USH2A: variants seen among roughly 807,000 people sequenced by gnomAD.
The protein encoded by USH2A is usherin, also known as Usher syndrome 2A (autosomal recessive, mild).
A neutral mutation model predicts 538.9 loss-of-function variants in USH2A; 443 were observed. That is an observed-to-expected ratio of 0.82 (90% CI 0.76 to 0.89). The LOEUF (loss-of-function observed/expected upper bound fraction) is 0.89. Among genes scored for constraint, USH2A ranks in the 40% least tolerant of loss-of-function variants. The pLI is 0.00. For missense variants in USH2A, 6,633 were observed against 6,324.8 expected, an observed-to-expected ratio of 1.05 and a Z score of -1.65; for synonymous variants, 2,413 against 2,273.5, an observed-to-expected ratio of 1.06 and a Z score of -1.75.
intron 10 of USH2A, among the ~76,000 whole-genome samples, chr1:216,290,283 C>A (rs181026433): frequency 1.3e-5 from 2 of 152,176 alleles, no homozygotes; most frequent in Admixed American, 6.5e-5. Flanking sequence ...AACTCATATT[C>A]TGATAGATAT....
chr1:215,903,349 A>G (rs1022328375), intron 38 of USH2A, among the ~76,000 whole-genome samples: 4 of 152,134 alleles, frequency 2.6e-5, no homozygotes, highest in African/African-American at 9.7e-5. Context: ...GAGCTTAGAC[A>G]ACACTTAGAG....
chr1:215,783,793 T>C (rs1419259688), intron 52 of USH2A, among the ~76,000 whole-genome samples: 1 of 152,194 alleles, frequency 6.6e-6, no homozygotes, highest in East Asian at 1.9e-4. Flanking sequence ...GATGACTCTT[T>C]CTCAGATTGA....
intron 61 of USH2A, among the ~76,000 whole-genome samples, chr1:215,714,067 A>G (rs1440113572): frequency 6.6e-6 from 1 of 152,182 alleles, no homozygotes; most frequent in Non-Finnish European, 1.5e-5. Context: ...AATATGTTTT[A>G]TGTGGAAGTT....
chr1:216,422,252 A>T lies in USH2A; in HGVS notation c.85T>A (p.Ser29Thr), dbSNP rs377309313. Residue 29 changes from serine (S) to threonine (T), a missense_variant, in exon 2 of 72, where the codon TCC (serine) becomes ACC (threonine). Physicochemically the swap from Ser to Thr is moderately conservative, Grantham distance 58 (BLOSUM62 1). Transcript: ENST00000307340. ...MLIFAYFASI[S>T]LTESRGLFPR... ...AAAAGACCTCGTGACTCAGTCAAGGATATTGAAGCAAAATAGGCAAAGATC... is the reference window on the plus strand; with the variant it reads ...AAAAGACCTCGTGACTCAGTCAAGGTTATTGAAGCAAAATAGGCAAAGATC... 66 of 1,613,568 alleles carry T rather than the reference A, an allele frequency of 4.1e-5. No homozygotes were observed. The highest frequency in any genetic ancestry group is 5.2e-5 in the Non-Finnish European group (61 of 1,179,816).
At chr1:215,845,718 A>T in intron 45 of USH2A, 106 bp downstream of exon 45, 1 of 1,282,074 alleles carries the variant, frequency 7.8e-7, no homozygotes, top group Non-Finnish European at 1.1e-6. Context: ...CTTCCCTCCC[A>T]CACCGGAAAT....
chr1:215,676,979 C>T (rs944356576), intron 62 of USH2A, among the ~76,000 whole-genome samples: 2 of 152,208 alleles, frequency 1.3e-5, no homozygotes, highest in African/African-American at 4.8e-5. Context: ...TTTATTCCCT[C>T]ATGCTTTTGC....
chr1:215,819,350 A>G (rs1175206244), intron 47 of USH2A, among the ~76,000 whole-genome samples: 2 of 151,800 alleles, frequency 1.3e-5, no homozygotes, highest in African/African-American at 2.4e-5. Context: ...ATGAAGCCCA[A>G]ATATTTATGT....
At chr1:216,175,008 G>A (rs1298456797) in intron 21 of USH2A, 1 of 1,336,628 alleles carries the variant, frequency 7.5e-7, no homozygotes, top group East Asian at 3.2e-5. Context: ...CACATACTTT[G>A]ATCCAATAAG....
In USH2A at chr1:215,686,171, A is replaced by G. The variant is rs137913086; in HGVS notation, c.12067-5795T>C. On this transcript the variant is annotated intron_variant, in intron 61 of 71. Transcript: ENST00000307340. Reference sequence around the variant, plus strand: ...ATAAAATTGCAATGGAAGATACAAGATGGGTAACACAGACTCTTGACTCTG... The same window carrying G: ...ATAAAATTGCAATGGAAGATACAAGGTGGGTAACACAGACTCTTGACTCTG... Among the ~76,000 whole-genome samples, 242 of 152,268 alleles carry G rather than the reference A, an allele frequency of 1.6e-3. 1 individual carries two copies. The highest frequency in any genetic ancestry group is 2.7e-3 in the Non-Finnish European group (181 of 68,012).
chr1:216,394,900 A>G (rs1188218864), intron 3 of USH2A, among the ~76,000 whole-genome samples: 4 of 151,552 alleles, frequency 2.6e-5, no homozygotes, highest in African/African-American at 4.8e-5. Context: ...TTGTATTTTT[A>G]GTAGAGACGG....
chr1:215,833,748 T>C (rs562342108), intron 47 of USH2A, among the ~76,000 whole-genome samples: 19 of 151,884 alleles, frequency 1.3e-4, no homozygotes. Context: ...AATAAGATAA[T>C]TGAAAACAAA....
At chr1:215,944,806 T>C (rs1452626569) in intron 37 of USH2A, among the ~76,000 whole-genome samples, 1 of 152,072 alleles carries the variant, frequency 6.6e-6, no homozygotes, top group Non-Finnish European at 1.5e-5. Flanking sequence ...TTATATGTCT[T>C]CCTGAAAAAA....
rs912980910 is a variant in USH2A at position 216,321,882 on chromosome 1, C to T, written c.1644+1G>A. On this transcript the variant is annotated splice_donor_variant, in intron 9 of 71. Transcript: ENST00000307340. LOFTEE classifies it high-confidence loss of function. ...ATTTCCATGCATAAAATAGAACTCACATGAAGTCCTTCAGTGAAGCTCTCC... is the reference window on the plus strand; with the variant it reads ...ATTTCCATGCATAAAATAGAACTCATATGAAGTCCTTCAGTGAAGCTCTCC... 7 of 1,613,226 alleles carry T rather than the reference C, an allele frequency of 4.3e-6. No homozygotes were observed. The highest frequency in any genetic ancestry group is 5.9e-6 in the Non-Finnish European group (7 of 1,179,416).
intron 21 of USH2A, among the ~76,000 whole-genome samples, chr1:216,153,199 C>A (rs954712187): frequency 1.3e-5 from 2 of 152,176 alleles, no homozygotes; most frequent in Non-Finnish European, 2.9e-5. Flanking sequence ...CGGACAAGAA[C>A]CCAGGTACCA....
rs547421744 is a variant in USH2A, at chr1:215,674,343, A to G, written c.13568T>C (p.Val4523Ala). ...TGCTGAGGGGCTGGTTCGATCTTTGACAAGAGGACTCAAAATACCCCCTTG... is the reference window on the plus strand; with the variant it reads ...TGCTGAGGGGCTGGTTCGATCTTTGGCAAGAGGACTCAAAATACCCCCTTG... ...NSQGGILSPL[V>A]KDRTSPSAPS... is the part of the protein sequence containing the mutation. The change falls in exon 63 of 72, where the codon GTC (valine) becomes GCC (alanine). Residue 4523 changes from valine (V) to alanine (A), a missense_variant. Coordinates refer to ENST00000307340, the MANE Select transcript of USH2A (RefSeq NM_206933.4). The G allele has an allele frequency of 7.2e-5, 116 of 1,613,782 alleles. 1 individual carries two copies. In the South Asian group the frequency reaches 1.2e-3, roughly 17 times the overall value.
At chr1:216,089,985 A>G (rs567350430) in intron 22 of USH2A, among the ~76,000 whole-genome samples, 2 of 152,038 alleles carry the variant, frequency 1.3e-5, no homozygotes, top group South Asian at 2.1e-4. Flanking sequence ...TTTGTCACCA[A>G]CAGCTACTAG....
chr1:215,987,801 T>A (rs914425568), intron 35 of USH2A, among the ~76,000 whole-genome samples: 1 of 152,236 alleles, frequency 6.6e-6, no homozygotes, highest in Non-Finnish European at 1.5e-5. Flanking sequence ...CACGTTCCAC[T>A]GAACTGCAAG....
At chr1:216,382,096 T>C (rs1336393298) in intron 3 of USH2A, among the ~76,000 whole-genome samples, 1 of 152,194 alleles carries the variant, frequency 6.6e-6, no homozygotes, top group Non-Finnish European at 1.5e-5. Flanking sequence ...ACTTTGTTTA[T>C]TGAGAATGGA....
chr1:215,780,119 T>C, intron 54 of USH2A, 78 bp from the exon 55 acceptor site: 2 of 1,515,768 alleles, frequency 1.3e-6, no homozygotes, highest in Non-Finnish European at 1.8e-6. Context: ...GTCACTTTTG[T>C]TTTAAAATGT....
Sources: allele counts gnomAD v4.1 joint callset (sites outside exome capture counted in the v4.1 genomes callset), GRCh38; gene constraint gnomAD v4.1.1; transcripts MANE v1.5; gene names NCBI Gene and HGNC (gene_info 2026-07-23, HGNC 2026-07-21).